The following ROBO1 variants were observed in gnomAD, a reference collection of about 807,000 sequenced individuals.
ROBO1 encodes roundabout homolog 1.
ROBO1 carries 149 observed loss-of-function variants against 195.9 expected under a neutral mutation model. The observed-to-expected ratio is 0.76, with a 90% CI of 0.67 to 0.87. The LOEUF (loss-of-function observed/expected upper bound fraction) is 0.87. Among genes scored for constraint, ROBO1 ranks in the 40% least tolerant of loss-of-function variants. The pLI, the probability that ROBO1 is intolerant of heterozygous loss-of-function variation, is 0.00. For synonymous variants in ROBO1, 816 were observed against 733.2 expected (o/e 1.11, Z -1.82); for missense variants, 1,933 against 2,068.3 (o/e 0.93, Z 1.27).
At chr3:79,340,798 A>G (rs2034877022) in intron 2 of ROBO1, among the ~76,000 whole-genome samples, 1 of 152,350 alleles carries the variant, frequency 6.6e-6, no homozygotes, top group South Asian at 2.1e-4. Flanking sequence ...AGAAATGTAC[A>G]CAAGAAATAT....
intron 8 of ROBO1, among the ~76,000 whole-genome samples, chr3:78,691,501 C>T (rs1467593430): frequency 6.6e-6 from 1 of 152,104 alleles, no homozygotes; most frequent in Non-Finnish European, 1.5e-5. Flanking sequence ...AATTACTGAA[C>T]CAATCTCAAT....
chr3:79,588,918 T>C (rs945545573), intron 2 of ROBO1, among the ~76,000 whole-genome samples: 5 of 151,682 alleles, frequency 3.3e-5, no homozygotes, highest in Admixed American at 1.3e-4. Context: ...CAGGGAAAAA[T>C]TGAAGCCCCA....
At chr3:78,674,045 C>T (rs1292416218) in intron 10 of ROBO1, among the ~76,000 whole-genome samples, 1 of 152,082 alleles carries the variant, frequency 6.6e-6, no homozygotes, top group Non-Finnish European at 1.5e-5. Context: ...TAAAATATAA[C>T]ACTCTTTGCA....
chr3:79,112,934 G>GA (rs1246188254), intron 3 of ROBO1, among the ~76,000 whole-genome samples: 1 of 151,524 alleles, frequency 6.6e-6, no homozygotes, highest in Non-Finnish European at 1.5e-5. Flanking sequence ...GTTTTAAATA[G>GA]AAAAAAATTG....
intron 2 of ROBO1, among the ~76,000 whole-genome samples, chr3:79,352,548 A>T (rs1393454675): frequency 6.6e-6 from 1 of 152,162 alleles, no homozygotes; most frequent in Non-Finnish European, 1.5e-5. Flanking sequence ...AATTCTGTGA[A>T]ATTTAATCAC....
chr3:78,866,463 A>T (rs2035186806), intron 4 of ROBO1, among the ~76,000 whole-genome samples: 1 of 152,176 alleles, frequency 6.6e-6, no homozygotes, highest in Non-Finnish European at 1.5e-5. Context: ...TATTTGCCAA[A>T]TTTATAGACT....
intron 1 of ROBO1, among the ~76,000 whole-genome samples, chr3:79,654,513 A>G (rs1347034793): frequency 6.6e-6 from 1 of 152,076 alleles, no homozygotes; most frequent in Non-Finnish European, 1.5e-5. Flanking sequence ...TAAAACAACC[A>G]TAATAAAAAG....
chr3:78,659,593 A>C (rs1707249530), intron 17 of ROBO1, 93 bp downstream of exon 17: 1 of 995,656 alleles, frequency 1.0e-6, no homozygotes, highest in Non-Finnish European at 1.3e-6. Flanking sequence ...GATGGCGCCA[A>C]ATATCCATAA....
intron 2 of ROBO1, among the ~76,000 whole-genome samples, chr3:79,448,816 A>G (rs538058321): frequency 1.3e-5 from 2 of 152,338 alleles, no homozygotes; most frequent in South Asian, 4.1e-4. Context: ...TGTTATTGTA[A>G]AAGAAATTCT....
intron 4 of ROBO1, among the ~76,000 whole-genome samples, chr3:78,920,072 T>C (rs890486736): frequency 6.6e-6 from 1 of 152,198 alleles, no homozygotes; most frequent in South Asian, 2.1e-4. Context: ...AATAGGAAAA[T>C]GTAAATTAAA....
At chr3:79,559,931 C>T (rs1382309050) in intron 2 of ROBO1, among the ~76,000 whole-genome samples, 1 of 151,892 alleles carries the variant, frequency 6.6e-6, no homozygotes, top group Non-Finnish European at 1.5e-5. Context: ...GAAAAAAATG[C>T]TGATATTTTA....
chr3:79,297,450 C>A (rs984196657), intron 2 of ROBO1, among the ~76,000 whole-genome samples: 1 of 152,108 alleles, frequency 6.6e-6, no homozygotes, highest in Non-Finnish European at 1.5e-5. Flanking sequence ...ATTATGATCT[C>A]TAGTGGGCAT....
intron 21 of ROBO1, among the ~76,000 whole-genome samples, chr3:78,640,245 C>T (rs991453886): frequency 6.6e-6 from 1 of 152,086 alleles, no homozygotes; most frequent in Admixed American, 6.6e-5. Flanking sequence ...AAAAAATACC[C>T]TAGTTCAGAT....
At chr3:78,954,141 A>C (rs2040924806) in intron 3 of ROBO1, among the ~76,000 whole-genome samples, 1 of 151,944 alleles carries the variant, frequency 6.6e-6, no homozygotes, top group Non-Finnish European at 1.5e-5. Flanking sequence ...GCATCTTTCA[A>C]AAGACAGAAA....
intron 1 of ROBO1, among the ~76,000 whole-genome samples, chr3:79,596,145 G>A (rs1467614714): frequency 1.3e-5 from 2 of 151,986 alleles, no homozygotes; most frequent in African/African-American, 4.8e-5. Flanking sequence ...TCTTTGTAAT[G>A]TTCTAGAGTT....
intron 4 of ROBO1, among the ~76,000 whole-genome samples, chr3:78,928,482 G>A (rs2039333849): frequency 6.6e-6 from 1 of 152,108 alleles, no homozygotes. Context: ...TTAAGAAATT[G>A]ACCTTATTGT....
chr3:78,946,202 T>C (rs373595308), intron 3 of ROBO1, among the ~76,000 whole-genome samples: 2 of 151,878 alleles, frequency 1.3e-5, no homozygotes, highest in African/African-American at 4.8e-5. Flanking sequence ...AGAAGGGCAA[T>C]TCCAAGACAC....
At chr3:78,989,260 T>C (rs1368842805) in intron 3 of ROBO1, among the ~76,000 whole-genome samples, 2 of 152,190 alleles carry the variant, frequency 1.3e-5, no homozygotes, top group Non-Finnish European at 2.9e-5. Flanking sequence ...AAAACATTAT[T>C]ATGTAGCCCA....
At chr3:79,723,259 A>T (rs1041582176) in intron 1 of ROBO1, among the ~76,000 whole-genome samples, 3 of 152,066 alleles carry the variant, frequency 2.0e-5, no homozygotes, top group East Asian at 1.9e-4. Flanking sequence ...ATCAAAGGTG[A>T]TCTTATTTTC....
Sources: gnomAD v4.1 joint callset for allele counts (sites outside exome capture counted in the v4.1 genomes callset) on GRCh38, gnomAD v4.1.1 for gene constraint, MANE v1.5 for transcripts, NCBI Gene and HGNC (gene_info 2026-07-23, HGNC 2026-07-21) for gene names.